The following MICAL2 variants were observed in gnomAD, a reference collection of about 807,000 sequenced individuals.
The protein encoded by MICAL2 is [F-actin]-monooxygenase MICAL2.
A neutral mutation model predicts 127.3 loss-of-function variants in MICAL2; 77 were observed. That is an observed-to-expected ratio of 0.60 (90% CI 0.50 to 0.73). The LOEUF (loss-of-function observed/expected upper bound fraction) is 0.73. Among genes scored for constraint, MICAL2 ranks in the 30% least tolerant of loss-of-function variants. The pLI is 0.00. For synonymous variants in MICAL2, 570 were observed against 551.1 expected, an observed-to-expected ratio of 1.03 and a Z score of -0.48; for missense variants, 1,351 against 1,434.4, an observed-to-expected ratio of 0.94 and a Z score of 0.94.
At chr11:12,123,228 A>G (rs1029693378) in intron 1 of MICAL2, among the ~76,000 whole-genome samples, 1 of 151,784 alleles carries the variant, frequency 6.6e-6, no homozygotes, top group African/African-American at 2.4e-5. Flanking sequence ...ATTTTATATC[A>G]CTCTTGCATA....
intron 7 of MICAL2, among the ~76,000 whole-genome samples, chr11:12,214,590 A>G (rs1220368868): frequency 6.6e-6 from 1 of 152,266 alleles, no homozygotes; most frequent in Non-Finnish European, 1.5e-5. Context: ...ACATGGTTCT[A>G]TACTGCCTTC....
intron 8 of MICAL2, among the ~76,000 whole-genome samples, chr11:12,218,412 C>A (rs1856440440): frequency 6.6e-6 from 1 of 152,210 alleles, no homozygotes; most frequent in East Asian, 1.9e-4. Flanking sequence ...CACAGCAGCC[C>A]TAGGCCAGCT....
At chr11:12,234,260 G>T (rs1435833252) in intron 15 of MICAL2, among the ~76,000 whole-genome samples, 2 of 151,254 alleles carry the variant, frequency 1.3e-5, no homozygotes, top group Non-Finnish European at 2.9e-5. Flanking sequence ...AAAATGTTTT[G>T]CCCTTTGGAG....
intron 33 of MICAL2, chr11:12,350,022 G>A: frequency 9.6e-7 from 1 of 1,042,282 alleles, no homozygotes; most frequent in Middle Eastern, 2.2e-4. Context: ...CGAAGTCTCG[G>A]GACTTTTTCT....
At chr11:12,200,757 G>GA (rs1197661166) in intron 3 of MICAL2, among the ~76,000 whole-genome samples, 1 of 149,832 alleles carries the variant, frequency 6.7e-6, no homozygotes, top group Non-Finnish European at 1.5e-5. Flanking sequence ...TTAGCCAAGA[G>GA]AATCAGAAAC....
chr11:12,247,536 G>A (rs966835868), intron 21 of MICAL2, among the ~76,000 whole-genome samples: 30 of 152,092 alleles, frequency 2.0e-4, no homozygotes, highest in African/African-American at 5.1e-4. Flanking sequence ...ACCTACACTC[G>A]CAGGTTCATG....
intron 23 of MICAL2, 30 bp downstream of exon 23, chr11:12,255,780 A>G (rs755958072): frequency 4.4e-6 from 7 of 1,575,200 alleles, no homozygotes; most frequent in Non-Finnish European, 6.1e-6. Context: ...GCCTTCACCC[A>G]CAGACACTGG....
intron 2 of MICAL2, among the ~76,000 whole-genome samples, chr11:12,281,821 G>C (rs1863775198): frequency 6.6e-6 from 1 of 152,204 alleles, no homozygotes; most frequent in African/African-American, 2.4e-5. Context: ...GCTGTCTTTA[G>C]CAGCCCAGCT....
At chr11:12,136,586 G>A (rs1346425039) in intron 1 of MICAL2, among the ~76,000 whole-genome samples, 1 of 152,168 alleles carries the variant, frequency 6.6e-6, no homozygotes, top group East Asian at 1.9e-4. Flanking sequence ...ATCACCAATT[G>A]TATCAAGCTC....
At chr11:12,191,420 C>T (rs538478211) in intron 3 of MICAL2, among the ~76,000 whole-genome samples, 6 of 148,174 alleles carry the variant, frequency 4.0e-5, no homozygotes, top group East Asian at 2.0e-4. Context: ...TGCAGTGAGC[C>T]AAGATCATGC....
At chr11:12,158,927 G>A (rs1012934867) in intron 2 of MICAL2, among the ~76,000 whole-genome samples, 1 of 152,190 alleles carries the variant, frequency 6.6e-6, no homozygotes. Flanking sequence ...AAAGCTACCC[G>A]CCATGGGTGT....
chr11:12,121,469 A>C (rs754795620), intron 1 of MICAL2: 7 of 152,620 alleles, frequency 4.6e-5, no homozygotes, highest in Non-Finnish European at 7.3e-5. Context: ...TTTGTACATC[A>C]TCTGGAATGA....
chr11:12,248,949 C>G (rs900644194), intron 21 of MICAL2, among the ~76,000 whole-genome samples: 1 of 152,118 alleles, frequency 6.6e-6, no homozygotes, highest in Non-Finnish European at 1.5e-5. Context: ...TTCAGAGCAC[C>G]AATTACTCAC....
intron 27 of MICAL2, 99 bp downstream of exon 27, chr11:12,262,636 G>T (rs1451908178): frequency 9.7e-7 from 1 of 1,026,742 alleles, no homozygotes; most frequent in Non-Finnish European, 1.5e-6. Context: ...TGCACTAACT[G>T]TGAGTGTCTT....
chr11:12,120,015 G>T lies in MICAL2; in HGVS notation c.-149+9289G>T, dbSNP rs149538031. On this transcript the variant is annotated intron_variant, in intron 1 of 27. Transcript: ENST00000683283. ...GTCTAAGGCAGCTGTGCTTACAGTT[G>T]GCTGCGTGTACCGAAGGACAGAGCC... 7.9e-5 allele frequency among the ~76,000 whole-genome samples: 12 copies of T among 152,288 alleles called. No homozygotes were observed. The East Asian group carries it at 2.1e-3, about 27-fold the overall frequency.
chr11:12,207,942 G>A (rs72866069), intron 4 of MICAL2, 81 bp from the exon 5 acceptor site: 96,802 of 1,041,952 alleles, frequency 0.093, 5,546 homozygotes, highest in Middle Eastern at 0.12. Flanking sequence ...GTCACTGAGC[G>A]GCAGTGATTA....
At chr11:12,236,838 G>T (rs7927639) in intron 16 of MICAL2, among the ~76,000 whole-genome samples, 81,932 of 151,434 alleles carry the variant, frequency 0.54, 24,195 homozygotes, top group Middle Eastern at 0.8. Flanking sequence ...AGAGACCTGA[G>T]ATATACACGT....
intron 29 of MICAL2, among the ~76,000 whole-genome samples, chr11:12,315,920 T>A (rs1864226963): frequency 6.6e-6 from 1 of 152,172 alleles, no homozygotes; most frequent in Non-Finnish European, 1.5e-5. Flanking sequence ...TGTAATTAAT[T>A]AATATTTAAT....
intron 32 of MICAL2, among the ~76,000 whole-genome samples, chr11:12,345,650 A>G (rs1456670942): frequency 6.6e-6 from 1 of 152,236 alleles, no homozygotes; most frequent in African/African-American, 2.4e-5. Context: ...GTTATGAAAA[A>G]GATCAGTTGC....
Sources: gnomAD v4.1 joint callset for allele counts (sites outside exome capture counted in the v4.1 genomes callset) on GRCh38, gnomAD v4.1.1 for gene constraint, MANE v1.5 for transcripts, NCBI Gene and HGNC (gene_info 2026-07-23, HGNC 2026-07-21) for gene names.